Variants in ASIC2 observed in about 807,000 individuals in gnomAD.
ASIC2 encodes the protein acid sensing ion channel subunit 2, also known as acid-sensing ion channel 2.
In ASIC2, 25 loss-of-function variants were observed where a neutral mutation model predicts 57.3. The ratio of observed to expected loss-of-function variants is 0.44; its 90% confidence interval spans 0.32 to 0.61. ASIC2 has a LOEUF of 0.61. Ranked by LOEUF, ASIC2 falls within the 20% of genes least tolerant of loss-of-function variation. The pLI, the probability that ASIC2 is intolerant of heterozygous loss-of-function variation, is 0.06. For synonymous variants in ASIC2, 319 were observed against 307.5 expected, an observed-to-expected ratio of 1.04 and a Z score of -0.39; for missense variants, 641 against 738.1, an observed-to-expected ratio of 0.87 and a Z score of 1.52.
At chr17:33,654,974 AAAC>A (rs1907032270) in intron 1 of ASIC2, among the ~76,000 whole-genome samples, 1 of 152,178 alleles carries the variant, frequency 6.6e-6, no homozygotes, top group South Asian at 2.1e-4. Flanking sequence ...ATAACAAATA[AAAC>A]AACAAAAAAA....
rs115969346 is a variant in ASIC2 at position 33,442,054 on chromosome 17, A to G, written c.556-329987T>C. ...CCATACTTCCCCCCCAAATTGATTTAGCACAAATAGTATTTGTCAAATATT... is the reference window on the plus strand; with the variant it reads ...CCATACTTCCCCCCCAAATTGATTTGGCACAAATAGTATTTGTCAAATATT... On this transcript the variant is annotated intron_variant, in intron 1 of 9. Coordinates refer to the ASIC2 transcript ENST00000359872. Among the ~76,000 whole-genome samples, 277 of 152,350 alleles carry G rather than the reference A, an allele frequency of 1.8e-3. 1 individual carries two copies. The highest frequency in any genetic ancestry group is 6.1e-3 in the African/African-American group (253 of 41,590).
In ASIC2 at chr17:33,730,406, G is replaced by A. The variant is rs556898131; in HGVS notation, c.555+425572C>T. Among the ~76,000 whole-genome samples, 4 of 152,306 alleles carry A rather than the reference G, an allele frequency of 2.6e-5. No homozygotes were observed. The East Asian group carries it at 7.7e-4, about 29-fold the overall frequency. ...AGAAGGGCGAGTTACTGAGAAGTCAGAACAGAAAATCTTCTGCACCACTTT... is the reference window on the plus strand; with the variant it reads ...AGAAGGGCGAGTTACTGAGAAGTCAAAACAGAAAATCTTCTGCACCACTTT... On this transcript the variant is annotated intron_variant, in intron 1 of 9. Transcript: ENST00000359872.
intron 1 of ASIC2, among the ~76,000 whole-genome samples, chr17:33,172,901 T>C (rs575418865): frequency 1.3e-5 from 2 of 152,292 alleles, no homozygotes; most frequent in Non-Finnish European, 2.9e-5. Flanking sequence ...ATGGATGTAG[T>C]GGAAGGAATG....
intron 2 of ASIC2, among the ~76,000 whole-genome samples, chr17:33,089,285 C>A (rs1402277267): frequency 6.6e-6 from 1 of 152,112 alleles, no homozygotes; most frequent in African/African-American, 2.4e-5. Flanking sequence ...GCAGGAGGAT[C>A]AAGGTCAGAG....
chr17:33,324,907 G>T (rs2142219402), intron 1 of ASIC2, among the ~76,000 whole-genome samples: 1 of 152,314 alleles, frequency 6.6e-6, no homozygotes, highest in South Asian at 2.1e-4. Flanking sequence ...CCTGAAAAGA[G>T]ATGTGACATA....
chr17:33,638,151 C>A (rs996897751), intron 1 of ASIC2, among the ~76,000 whole-genome samples: 1 of 152,180 alleles, frequency 6.6e-6, no homozygotes, highest in African/African-American at 2.4e-5. Context: ...GGAGAAGTTA[C>A]AAGTCTTGTG....
intron 1 of ASIC2, among the ~76,000 whole-genome samples, chr17:33,828,681 A>T (rs1055910715): frequency 1.3e-5 from 2 of 152,110 alleles, no homozygotes; most frequent in African/African-American, 4.8e-5. Context: ...AGAGGGTGAA[A>T]CGTTACAGTG....
chr17:33,125,359 A>G (rs1017770479), intron 1 of ASIC2, among the ~76,000 whole-genome samples: 2 of 152,218 alleles, frequency 1.3e-5, no homozygotes, highest in African/African-American at 4.8e-5. Flanking sequence ...GCTAATATTT[A>G]TTCAGTATCC....
chr17:34,021,076 C>T (rs149256873), intron 1 of ASIC2, among the ~76,000 whole-genome samples: 287 of 152,042 alleles, frequency 1.9e-3, no homozygotes, highest in African/African-American at 6.7e-3. Context: ...ACGGTGGACT[C>T]TGGGGACTCG....
intron 1 of ASIC2, among the ~76,000 whole-genome samples, chr17:33,798,079 C>G (rs943724144): frequency 1.3e-5 from 2 of 152,018 alleles, no homozygotes; most frequent in African/African-American, 4.8e-5. Flanking sequence ...GGAGATGCAG[C>G]TTTCATCAGT....
intron 1 of ASIC2, among the ~76,000 whole-genome samples, chr17:33,862,405 AATTTT>A (rs1168806852): frequency 2.0e-5 from 3 of 151,982 alleles, no homozygotes; most frequent in Admixed American, 6.6e-5. Context: ...TTCTTTTTGA[AATTTT>A]ATTTTAATTG....
chr17:33,869,997 C>A (rs1333018949), intron 1 of ASIC2, among the ~76,000 whole-genome samples: 2 of 152,138 alleles, frequency 1.3e-5, no homozygotes, highest in Non-Finnish European at 2.9e-5. Flanking sequence ...CCCTGATTTA[C>A]AGGATGTCAG....
In ASIC2 at chr17:33,788,225, C is replaced by A. The variant is rs188136548; in HGVS notation, c.555+367753G>T. ...TAAACATATTTACAAGAAAAAAAAA[C>A]CCCATTAAAAGTGGGCAAAGAATAT... On this transcript the variant is annotated intron_variant, in intron 1 of 9. Coordinates refer to the ASIC2 transcript ENST00000359872. 8.5e-3 allele frequency among the ~76,000 whole-genome samples: 1,283 copies of A among 151,650 alleles called. 20 individuals carry two copies. The highest frequency in any genetic ancestry group is 0.029 in the African/African-American group (1,187 of 41,378).
chr17:33,363,905 G>A (rs1357602260), intron 1 of ASIC2, among the ~76,000 whole-genome samples: 2 of 152,156 alleles, frequency 1.3e-5, no homozygotes, highest in Non-Finnish European at 2.9e-5. Context: ...TGGGCTTTGG[G>A]TACCACCTGC....
At chr17:33,880,398 G>A (rs1231231905) in intron 1 of ASIC2, among the ~76,000 whole-genome samples, 4 of 151,838 alleles carry the variant, frequency 2.6e-5, no homozygotes, top group African/African-American at 9.7e-5. Flanking sequence ...GAATCAAATA[G>A]GTACAATAAA....
At chr17:33,025,774 T>G in intron 5 of ASIC2, 152 bp downstream of exon 5, 1 of 661,014 alleles carries the variant, frequency 1.5e-6, no homozygotes, top group Non-Finnish European at 2.4e-6. Context: ...CCCTCTCCCA[T>G]CCCTGCAGCA....
intron 1 of ASIC2, among the ~76,000 whole-genome samples, chr17:33,675,799 T>C (rs566741094): frequency 6.6e-6 from 1 of 152,342 alleles, no homozygotes; most frequent in East Asian, 1.9e-4. Flanking sequence ...TTCAAACTCC[T>C]GGGCTCAAGT....
chr17:33,800,342 G>A (rs1378109502), intron 1 of ASIC2, among the ~76,000 whole-genome samples: 1 of 152,078 alleles, frequency 6.6e-6, no homozygotes, highest in African/African-American at 2.4e-5. Context: ...CTTCAGGAGG[G>A]CAGAGTTAGG....
intron 1 of ASIC2, among the ~76,000 whole-genome samples, chr17:34,139,524 T>C (rs4795872): frequency 0.74 from 112,510 of 152,110 alleles, 41,700 homozygotes; most frequent in South Asian, 0.85. Flanking sequence ...TGGTATACGA[T>C]GAATGCGTAA....
Sources: gnomAD v4.1 joint callset for allele counts (sites outside exome capture counted in the v4.1 genomes callset) on GRCh38, gnomAD v4.1.1 for gene constraint, MANE v1.5 for transcripts, NCBI Gene and HGNC (gene_info 2026-07-23, HGNC 2026-07-21) for gene names.